The following FBXO4 variants were observed in gnomAD, a reference collection of about 807,000 sequenced individuals.
The protein encoded by FBXO4 is F-box protein 4, also known as F-box only protein 4.
In FBXO4, 36 loss-of-function variants were observed where a neutral mutation model predicts 43.7. The observed-to-expected ratio is 0.82, with a 90% CI of 0.63 to 1.09. FBXO4 has a LOEUF of 1.09. Ranked by LOEUF, FBXO4 falls within the 50% of genes least tolerant of loss-of-function variation. FBXO4 has a pLI of 0.00. For missense variants in FBXO4, 435 were observed against 474.1 expected, an observed-to-expected ratio of 0.92 and a Z score of 0.77; for synonymous variants, 180 against 165.6, an observed-to-expected ratio of 1.09 and a Z score of -0.67.
chr5:42,029,631 A>C, the FBXO4 span, among the ~76,000 whole-genome samples: 2 of 151,716 alleles, frequency 1.3e-5, no homozygotes, highest in Admixed American at 6.6e-5. Context: ...TATTGTTTTT[A>C]TTTATTTTTT....
the FBXO4 span, among the ~76,000 whole-genome samples, chr5:41,947,386 A>G: frequency 2.0e-5 from 3 of 152,376 alleles, no homozygotes; most frequent in South Asian, 6.2e-4. Context: ...TCCAAAGGAG[A>G]TGAATAGATT....
At chr5:41,959,014 A>G in the FBXO4 span, among the ~76,000 whole-genome samples, 1 of 152,204 alleles carries the variant, frequency 6.6e-6, no homozygotes. Context: ...CATTCCAACC[A>G]ACAACATACA....
chr5:42,026,745 GT>G, the FBXO4 span, among the ~76,000 whole-genome samples: 6 of 151,232 alleles, frequency 4.0e-5, no homozygotes, highest in Admixed American at 3.3e-4. Flanking sequence ...TCTACACCCA[GT>G]TTTTTATAAA....
chr5:41,999,507 GTATATA>G, the FBXO4 span, among the ~76,000 whole-genome samples: 8 of 108,796 alleles, frequency 7.4e-5, no homozygotes, highest in Admixed American at 5.5e-4. Context: ...ATATATATGT[GTATATA>G]TATATATATA....
At chr5:41,943,822 A>T (rs1752039028), downstream of FBXO4, among the ~76,000 whole-genome samples, 1 of 152,192 alleles carries the variant, frequency 6.6e-6, no homozygotes, top group African/African-American at 2.4e-5. Flanking sequence ...ATGTGACTGT[A>T]TTTGGAGACA....
the FBXO4 span, among the ~76,000 whole-genome samples, chr5:41,971,457 T>C: frequency 3.6e-3 from 553 of 152,180 alleles, 5 homozygotes; most frequent in African/African-American, 9.7e-3. Context: ...TAATGGAGTG[T>C]ATTTCCTGCT....
chr5:41,952,354 G>T, the FBXO4 span, among the ~76,000 whole-genome samples: 1 of 152,128 alleles, frequency 6.6e-6, no homozygotes, highest in East Asian at 1.9e-4. Flanking sequence ...TCTTGAGTAG[G>T]AATTTGTTGT....
chr5:41,972,563 A>G, the FBXO4 span, among the ~76,000 whole-genome samples: 3 of 152,334 alleles, frequency 2.0e-5, no homozygotes, highest in Non-Finnish European at 2.9e-5. Flanking sequence ...AGAATTAAAG[A>G]AAAACCTATT....
In FBXO4 at chr5:41,927,248, TGTAA is replaced by T. The variant is rs1375404755; in HGVS notation, c.425+4_425+7del. ...GGTGCATTTTTTGACTACATGGCAG[TGTAA>T]GTATCTAGTTTTATGAATTAAAAAG... On this transcript the variant is annotated splice_donor_variant and splice_donor_region_variant and intron_variant, in intron 2 of 6. Transcript: ENST00000281623. LOFTEE classifies it high-confidence loss of function. 3 of 1,563,696 alleles carry T rather than the reference TGTAA, an allele frequency of 1.9e-6. No individual in the cohort carries two copies. The highest frequency in any genetic ancestry group is 2.8e-5 in the African/African-American group (2 of 72,254).
the FBXO4 span, among the ~76,000 whole-genome samples, chr5:42,008,234 C>T: frequency 3.3e-5 from 5 of 152,100 alleles, no homozygotes; most frequent in Non-Finnish European, 7.4e-5. Context: ...GTTCCATTAT[C>T]TTACATTAAG....
At chr5:42,023,341 C>A in the FBXO4 span, among the ~76,000 whole-genome samples, 4 of 152,040 alleles carry the variant, frequency 2.6e-5, no homozygotes, top group African/African-American at 9.7e-5. Context: ...TCCTGTTTAG[C>A]ATCTCTGTTA....
At chr5:41,971,930 T>C in the FBXO4 span, among the ~76,000 whole-genome samples, 1 of 151,984 alleles carries the variant, frequency 6.6e-6, no homozygotes, top group African/African-American at 2.4e-5. Flanking sequence ...AATTTCTCAG[T>C]TCTATACCCC....
At chr5:41,982,436 G>A in the FBXO4 span, among the ~76,000 whole-genome samples, 40 of 151,878 alleles carry the variant, frequency 2.6e-4, no homozygotes, top group Non-Finnish European at 5.0e-4. Context: ...TTTAATGATC[G>A]CCATTCTAAT....
At chr5:41,988,114 CAT>C in the FBXO4 span, among the ~76,000 whole-genome samples, 18 of 152,162 alleles carry the variant, frequency 1.2e-4, no homozygotes, top group East Asian at 1.4e-3. Context: ...ATGGTGGTAA[CAT>C]GTGGGGGGGA....
At chr5:41,962,611 T>C in the FBXO4 span, among the ~76,000 whole-genome samples, 1 of 152,200 alleles carries the variant, frequency 6.6e-6, no homozygotes, top group African/African-American at 2.4e-5. Context: ...TCCTGCACAC[T>C]GTGTGTCAGT....
chr5:41,968,095 C>T, the FBXO4 span: 2 of 345,630 alleles, frequency 5.8e-6, no homozygotes, highest in East Asian at 1.5e-4. Context: ...GCAATGGGTT[C>T]TTCCCAAGAA....
the FBXO4 span, among the ~76,000 whole-genome samples, chr5:41,960,414 T>C: frequency 6.6e-6 from 1 of 152,144 alleles, no homozygotes; most frequent in Non-Finnish European, 1.5e-5. Flanking sequence ...TAATGAACAT[T>C]CTTGTCTTAC....
chr5:41,941,133 A>G, intron 6 of FBXO4, 59 bp from the exon 7 acceptor site: 4 of 1,322,208 alleles, frequency 3.0e-6, no homozygotes, highest in Middle Eastern at 1.8e-4. Context: ...TGTCCCTCCT[A>G]CTCATAAGAT....
chr5:42,015,766 T>C, the FBXO4 span, among the ~76,000 whole-genome samples: 1 of 152,112 alleles, frequency 6.6e-6, no homozygotes, highest in African/African-American at 2.4e-5. Context: ...AGTGTGTTTT[T>C]AGAAAGAAAA....
Sources: allele counts gnomAD v4.1 joint callset (sites outside exome capture counted in the v4.1 genomes callset), GRCh38; gene constraint gnomAD v4.1.1; transcripts MANE v1.5; gene names NCBI Gene and HGNC (gene_info 2026-07-23, HGNC 2026-07-21).